Variants in ATP10B observed in about 807,000 individuals in gnomAD.
ATP10B encodes phospholipid-transporting ATPase VB.
ATP10B carries 122 observed loss-of-function variants against 141.2 expected under a neutral mutation model. That is an observed-to-expected ratio of 0.86 (90% CI 0.75 to 1.00). ATP10B has a LOEUF of 1.00. ATP10B is among the 50% of genes least tolerant of loss of function. The pLI, the probability that ATP10B is intolerant of heterozygous loss-of-function variation, is 0.00. For synonymous variants in ATP10B, 685 were observed against 692.0 expected (o/e 0.99, Z 0.16); for missense variants, 1,876 against 1,825.3 (o/e 1.03, Z -0.51).
intron 3 of ATP10B, among the ~76,000 whole-genome samples, chr5:160,691,997 A>G (rs1764101738): frequency 2.0e-5 from 3 of 152,272 alleles, no homozygotes; most frequent in African/African-American, 7.2e-5. Context: ...ATTTATGAAT[A>G]GCATTGAAAA....
chr5:160,683,336 C>G (rs1027119981), intron 6 of ATP10B, among the ~76,000 whole-genome samples: 3 of 152,178 alleles, frequency 2.0e-5, no homozygotes, highest in African/African-American at 7.2e-5. Flanking sequence ...AGCTCATTTG[C>G]TGCTGAGGGA....
the ATP10B span, among the ~76,000 whole-genome samples, chr5:160,893,940 G>A: frequency 6.6e-6 from 1 of 152,194 alleles, no homozygotes; most frequent in Non-Finnish European, 1.5e-5. Context: ...CAGCAGACCT[G>A]CAGCAGAGGG....
At chr5:160,672,404 G>A (rs1449302914) in intron 6 of ATP10B, among the ~76,000 whole-genome samples, 6 of 152,088 alleles carry the variant, frequency 3.9e-5, no homozygotes. Flanking sequence ...ATATTTTAAG[G>A]CATTCATCAG....
intron 24 of ATP10B, among the ~76,000 whole-genome samples, chr5:160,586,689 T>C (rs1472942547): frequency 6.6e-6 from 1 of 152,248 alleles, no homozygotes; most frequent in Non-Finnish European, 1.5e-5. Flanking sequence ...AGATGGTATC[T>C]CATTATGGTT....
chr5:160,814,454 G>A (rs370291719), intron 1 of ATP10B, among the ~76,000 whole-genome samples: 3 of 151,836 alleles, frequency 2.0e-5, no homozygotes, highest in Non-Finnish European at 2.9e-5. Flanking sequence ...AAAAAGAAAC[G>A]AACAAAGCCT....
chr5:160,761,410 G>T (rs4286718), intron 2 of ATP10B, among the ~76,000 whole-genome samples: 2 of 47,484 alleles, frequency 4.2e-5, no homozygotes, highest in East Asian at 1.4e-3. Context: ...GCCTACATTC[G>T]CCAGCACCAG....
intron 3 of ATP10B, among the ~76,000 whole-genome samples, chr5:160,701,786 C>T (rs975507633): frequency 1.3e-5 from 2 of 151,574 alleles, no homozygotes; most frequent in Non-Finnish European, 1.5e-5. Flanking sequence ...CTAATGCCTC[C>T]TGGGAAGTCA....
chr5:160,599,023 C>G, intron 21 of ATP10B, 53 bp from the exon 22 acceptor site: 1 of 1,572,290 alleles, frequency 6.4e-7, no homozygotes, highest in Non-Finnish European at 8.7e-7. Context: ...CAGCCGGTCA[C>G]CAGCTCCTGC....
the ATP10B span, among the ~76,000 whole-genome samples, chr5:160,863,184 C>T: frequency 1.5e-3 from 227 of 152,000 alleles, 1 homozygote; most frequent in Middle Eastern, 3.4e-3. Flanking sequence ...TGCTCCCACT[C>T]GTTAGTGAGT....
At chr5:160,722,343 T>C (rs1235439042) in intron 2 of ATP10B, among the ~76,000 whole-genome samples, 3 of 152,172 alleles carry the variant, frequency 2.0e-5, no homozygotes, top group Admixed American at 2.0e-4. Flanking sequence ...CCATCTAAAA[T>C]CAGGGGAAAT....
chr5:160,566,946 G>C (rs11135105), intron 25 of ATP10B, among the ~76,000 whole-genome samples: 6,766 of 152,162 alleles, frequency 0.044, 508 homozygotes, highest in African/African-American at 0.15. Flanking sequence ...TCTACCCCTG[G>C]CCAACCCCTG....
At chr5:160,889,761 C>A in the ATP10B span, among the ~76,000 whole-genome samples, 1 of 152,140 alleles carries the variant, frequency 6.6e-6, no homozygotes, top group Admixed American at 6.5e-5. Context: ...AGACTAGAAC[C>A]AAAATCCTGA....
chr5:160,573,008 G>A (rs534487532), intron 24 of ATP10B, among the ~76,000 whole-genome samples: 1 of 152,288 alleles, frequency 6.6e-6, no homozygotes. Context: ...CCATGTTTAT[G>A]GATGCTTTTT....
intron 1 of ATP10B, among the ~76,000 whole-genome samples, chr5:160,826,119 A>G (rs1335936587): frequency 6.6e-6 from 1 of 152,096 alleles, no homozygotes; most frequent in African/African-American, 2.4e-5. Context: ...CAATGAACAT[A>G]TGAGTGTATG....
At chr5:160,811,763 G>A (rs1225548856) in intron 1 of ATP10B, among the ~76,000 whole-genome samples, 1 of 152,166 alleles carries the variant, frequency 6.6e-6, no homozygotes, top group Non-Finnish European at 1.5e-5. Flanking sequence ...AAGGGCCTGG[G>A]GGAACTCATT....
the ATP10B span, among the ~76,000 whole-genome samples, chr5:160,877,838 G>A: frequency 7.4e-6 from 1 of 134,624 alleles, no homozygotes; most frequent in Non-Finnish European, 1.7e-5. Context: ...GGGACATGAA[G>A]GACCTCTTCA....
chr5:160,861,784 C>A, the ATP10B span, among the ~76,000 whole-genome samples: 3 of 151,680 alleles, frequency 2.0e-5, no homozygotes, highest in African/African-American at 7.3e-5. Context: ...TTATTTAGGA[C>A]CTAAATGAGT....
At chr5:160,636,894 T>C (rs1759421336) in intron 10 of ATP10B, among the ~76,000 whole-genome samples, 1 of 146,818 alleles carries the variant, frequency 6.8e-6, no homozygotes, top group East Asian at 2.2e-4. Context: ...CCATCCATCC[T>C]TCCATTCATC....
chr5:160,723,185 C>T (rs1465706945), intron 2 of ATP10B, among the ~76,000 whole-genome samples: 3 of 152,146 alleles, frequency 2.0e-5, no homozygotes, highest in East Asian at 3.9e-4. Flanking sequence ...ACTATTTTAC[C>T]TTTTCATACT....
Sources: gnomAD v4.1 joint callset for allele counts (sites outside exome capture counted in the v4.1 genomes callset) on GRCh38, gnomAD v4.1.1 for gene constraint, MANE v1.5 for transcripts, NCBI Gene and HGNC (gene_info 2026-07-23, HGNC 2026-07-21) for gene names.